Variants in CNTN3 observed in about 807,000 individuals in gnomAD.
The protein encoded by CNTN3 is contactin-3.
CNTN3 carries 60 observed loss-of-function variants against 119.1 expected under a neutral mutation model. The observed-to-expected ratio is 0.50, with a 90% confidence interval of 0.41 to 0.62. The LOEUF (loss-of-function observed/expected upper bound fraction) is 0.62. Ranked by LOEUF, CNTN3 falls within the 20% of genes least tolerant of loss-of-function variation. CNTN3 has a pLI of 0.00. For synonymous variants in CNTN3, 450 were observed against 438.7 expected, an observed-to-expected ratio of 1.03 and a Z score of -0.32; for missense variants, 1,101 against 1,242.4, an observed-to-expected ratio of 0.89 and a Z score of 1.71.
At chr3:74,594,849 C>T (rs888590527) in intron 1 of CNTN3, among the ~76,000 whole-genome samples, 2 of 151,826 alleles carry the variant, frequency 1.3e-5, no homozygotes, top group African/African-American at 2.4e-5. Context: ...ATTTCTAGTT[C>T]TAGATCCCTG....
At chr3:74,504,959 T>C (rs1269186017) in intron 2 of CNTN3, among the ~76,000 whole-genome samples, 3 of 152,106 alleles carry the variant, frequency 2.0e-5, no homozygotes, top group Non-Finnish European at 4.4e-5. Context: ...TATCAAGGTG[T>C]TAGCAGGGTT....
intron 16 of CNTN3, among the ~76,000 whole-genome samples, chr3:74,300,349 C>T (rs144625651): frequency 6.6e-6 from 1 of 152,142 alleles, no homozygotes; most frequent in African/African-American, 2.4e-5. Context: ...ATGACCCAGA[C>T]TCAAACCCTC....
chr3:74,451,033 T>A (rs1384801213), intron 4 of CNTN3, among the ~76,000 whole-genome samples: 2 of 152,066 alleles, frequency 1.3e-5, no homozygotes, highest in Non-Finnish European at 2.9e-5. Context: ...ATACCCAGCA[T>A]TGGGATGGCT....
At chr3:74,404,965 TA>T (rs1419037463) in intron 5 of CNTN3, among the ~76,000 whole-genome samples, 1 of 151,738 alleles carries the variant, frequency 6.6e-6, no homozygotes, top group African/African-American at 2.4e-5. Context: ...TCCCCTACTC[TA>T]AAAAAATCTC....
At chr3:74,281,573 C>T (rs986056614) in intron 20 of CNTN3, among the ~76,000 whole-genome samples, 7 of 152,078 alleles carry the variant, frequency 4.6e-5, no homozygotes, top group African/African-American at 1.7e-4. Context: ...GTCTCGAACT[C>T]CTGAGCTCAA....
intron 1 of CNTN3, among the ~76,000 whole-genome samples, chr3:74,607,094 A>G (rs928995117): frequency 1.3e-5 from 2 of 152,004 alleles, no homozygotes; most frequent in African/African-American, 4.8e-5. Context: ...TAGTAAGAAG[A>G]GAAAAATTAA....
At chr3:74,563,717 AC>A (rs1704187143) in intron 1 of CNTN3, among the ~76,000 whole-genome samples, 1 of 152,148 alleles carries the variant, frequency 6.6e-6, no homozygotes, top group African/African-American at 2.4e-5. Flanking sequence ...ACACAGACTG[AC>A]AGAATTCATT....
chr3:74,448,758 C>T (rs62267347), intron 4 of CNTN3, among the ~76,000 whole-genome samples: 25,651 of 151,972 alleles, frequency 0.17, 2,713 homozygotes, highest in Admixed American at 0.25. Context: ...TAATAAAATG[C>T]CCTCAGAGTC....
At chr3:74,288,177 G>A (rs1252554674) in intron 19 of CNTN3, among the ~76,000 whole-genome samples, 2 of 32,354 alleles carry the variant, frequency 6.2e-5, no homozygotes, top group Admixed American at 6.1e-4. Context: ...TTTTTTTTTT[G>A]AGACAGAGTC....
chr3:74,410,697 G>A lies in CNTN3; in HGVS notation c.454+14148C>T, dbSNP rs72898319. 2.9e-3 allele frequency among the ~76,000 whole-genome samples: 445 copies of A among 152,178 alleles called. 3 individuals are homozygous for A. The highest frequency in any genetic ancestry group is 0.01 in the African/African-American group (425 of 41,538). ...GAGTTGAAAACACACTATGGTTACC[G>A]TAAGCCTGCCAGAATGGGTCCCCTT... On this transcript the variant is annotated intron_variant, in intron 5 of 22. Transcript: ENST00000263665.
At chr3:74,421,053 C>T (rs866352836) in intron 5 of CNTN3, among the ~76,000 whole-genome samples, 1 of 152,190 alleles carries the variant, frequency 6.6e-6, no homozygotes, top group Non-Finnish European at 1.5e-5. Flanking sequence ...CCTCCCCATA[C>T]TTTTACCCAA....
At chr3:74,313,113 A>C (rs981146106) in intron 13 of CNTN3, among the ~76,000 whole-genome samples, 3 of 152,312 alleles carry the variant, frequency 2.0e-5, no homozygotes, top group Admixed American at 2.0e-4. Context: ...ATGATACAAA[A>C]ATAGAATCTT....
intron 1 of CNTN3, among the ~76,000 whole-genome samples, chr3:74,600,659 A>T (rs1435713168): frequency 6.6e-6 from 1 of 152,084 alleles, no homozygotes; most frequent in African/African-American, 2.4e-5. Context: ...CCATGACCTC[A>T]GATTTACCTT....
At position 74,459,274 on chromosome 3, in the gene CNTN3, C is replaced by T. The variant is rs116639873; in HGVS notation, c.358+27182G>A. ...ATCCTTCACTCACTCTTCCTCATGC[C>T]GAATCAATCTATCGCCAACCTCTGT... On this transcript the variant is annotated intron_variant, in intron 4 of 22. Coordinates refer to ENST00000263665, the MANE Select transcript of CNTN3 (RefSeq NM_020872.3). 8.3e-3 allele frequency among the ~76,000 whole-genome samples: 1,262 copies of T among 152,082 alleles called. 12 individuals carry two copies. The highest frequency in any genetic ancestry group is 0.041 in the Middle Eastern group (12 of 294).
intron 5 of CNTN3, among the ~76,000 whole-genome samples, chr3:74,401,514 ACG>A (rs1240664759): frequency 1.3e-5 from 2 of 150,450 alleles, no homozygotes; most frequent in Non-Finnish European, 1.5e-5. Flanking sequence ...ACACGCGCGC[ACG>A]CACACACACA....
rs150713791 is a variant in CNTN3 at position 74,301,640 on chromosome 3, G to A, written c.1945+7C>T. 1,017 of 1,613,860 alleles carry A rather than the reference G, an allele frequency of 6.3e-4. 8 individuals are homozygous for A. In the African/African-American group the frequency reaches 0.012, roughly 19 times the overall value. On this transcript the variant is annotated splice_region_variant and intron_variant, in intron 15 of 22. Transcript: ENST00000263665. ...TGTGCAGATGACATCTGCCTCTCCTGCTTTACCTGTTGTGACGGTTTGCCA... is the reference window on the plus strand; with the variant it reads ...TGTGCAGATGACATCTGCCTCTCCTACTTTACCTGTTGTGACGGTTTGCCA...
intron 5 of CNTN3, among the ~76,000 whole-genome samples, chr3:74,379,400 C>T (rs534235570): frequency 1.3e-5 from 2 of 152,268 alleles, no homozygotes; most frequent in East Asian, 1.9e-4. Flanking sequence ...AGGTGATCCA[C>T]CTGCCTCATT....
chr3:74,454,913 C>T (rs1307136589), intron 4 of CNTN3, among the ~76,000 whole-genome samples: 2 of 152,148 alleles, frequency 1.3e-5, no homozygotes, highest in South Asian at 2.1e-4. Flanking sequence ...GTGGGTAACC[C>T]GACCTTTCTC....
At position 74,415,034 on chromosome 3, in the gene CNTN3, T is replaced by A. The variant is rs1172819726; in HGVS notation, c.454+9811A>T. 2.6e-5 allele frequency among the ~76,000 whole-genome samples: 4 copies of A among 152,080 alleles called. No individual in the cohort carries two copies. In the South Asian group the frequency reaches 8.3e-4, roughly 32 times the overall value. ...AGGACTCTGCCATATTAAAATAAAT[T>A]CTGTTGAAGCACTATCTCTCGAACA... On this transcript the variant is annotated intron_variant, in intron 5 of 22. Transcript: ENST00000263665.
Sources: allele counts gnomAD v4.1 joint callset (sites outside exome capture counted in the v4.1 genomes callset), GRCh38; gene constraint gnomAD v4.1.1; transcripts MANE v1.5; gene names NCBI Gene and HGNC (gene_info 2026-07-23, HGNC 2026-07-21).